Variants in SLC26A4 observed in about 807,000 individuals in gnomAD.
SLC26A4 encodes the protein pendrin.
SLC26A4 carries 93 observed loss-of-function variants against 90.4 expected under a neutral mutation model. That is an observed-to-expected ratio of 1.03 (90% CI 0.87 to 1.22). SLC26A4 has a LOEUF of 1.22. Ranked by LOEUF, SLC26A4 falls within the 50% of genes most tolerant of loss-of-function variation. The pLI is 0.00. For synonymous variants in SLC26A4, 393 were observed against 354.6 expected, an observed-to-expected ratio of 1.11 and a Z score of -1.22; for missense variants, 1,127 against 946.2, an observed-to-expected ratio of 1.19 and a Z score of -2.51.
Position 107,696,029 on chromosome 7 carries a change from AG to A in SLC26A4, c.1535del (p.Arg512LysfsTer34). On this transcript the variant is annotated frameshift_variant, in exon 13 of 21. Coordinates refer to ENST00000644269, the MANE Select transcript of SLC26A4 (RefSeq NM_000441.2). LOFTEE classifies it high-confidence loss of function. Reference sequence around the variant, plus strand: ...ATTTGGACTGTTGACTGTGGTCCTGAGAGTTCAGTTGTGAGTAACGTAAAAC... The same window carrying A: ...ATTTGGACTGTTGACTGTGGTCCTGAAGTTCAGTTGTGAGTAACGTAAAAC... ...LIFGLLTVVL[R>X]VQFPSWNGLG... The A allele has an allele frequency of 6.3e-7, 1 of 1,590,962 alleles. No homozygotes were observed.
Position 107,689,082 on chromosome 7 carries a change from G to A in SLC26A4, c.1031G>A (p.Ser344Asn), listed in dbSNP as rs763520093. 1.5e-5 allele frequency: 24 copies of A among 1,613,858 alleles called. No individual in the cohort carries two copies. Among genetic ancestry groups the A allele is most frequent in the Admixed American group, 1.2e-4 (7 of 59,992 alleles). ...TTGCCTCCTGAACTTCCACCTGTGA[G>A]CTTGTTCTCGGAGATGCTGGCTGCA... ...GFLPPELPPV[S>N]LFSEMLAASF... is the part of the protein sequence containing the mutation. The change falls in exon 9 of 21, where the codon AGC becomes AAC. Residue 344 changes from serine (S) to asparagine (N), a missense_variant. Coordinates refer to ENST00000644269, the MANE Select transcript of SLC26A4 (RefSeq NM_000441.2).
intron 17 of SLC26A4, 112 bp from the exon 18 acceptor site, chr7:107,704,219 C>T (rs1017875829): frequency 1.5e-5 from 10 of 669,414 alleles, no homozygotes; most frequent in South Asian, 6.6e-5. Context: ...TCCTTAAAGT[C>T]CTGATTAACC....
rs1215796094 is a variant in SLC26A4, at chr7:107,661,841, A to C, written c.164+36A>C. The C allele has an allele frequency of 2.0e-6, 3 of 1,523,866 alleles. No homozygotes were observed. The African/African-American group carries it at 4.1e-5, about 21-fold the overall frequency. 94.4% of individuals were successfully genotyped at this position (1,523,866 alleles called of 1,614,324 possible). A position where few individuals can be genotyped will look rare whatever the true frequency, so the allele number is the denominator to read the frequency against. On this transcript the variant is annotated intron_variant, in intron 2 of 20. Coordinates refer to ENST00000644269, the MANE Select transcript of SLC26A4 (RefSeq NM_000441.2). The surrounding 1 kb of genome is among the most constrained non-coding windows in gnomAD (Gnocchi z 5.1). ...CGCGGGCCTGCGTAGAGAGAAGCGGAGCGGGGCGTCCACGCCTTGGGGAGG... is the reference window on the plus strand; with the variant it reads ...CGCGGGCCTGCGTAGAGAGAAGCGGCGCGGGGCGTCCACGCCTTGGGGAGG...
chr7:107,666,361 A>T (rs1307333224), intron 3 of SLC26A4, among the ~76,000 whole-genome samples: 2 of 152,120 alleles, frequency 1.3e-5, no homozygotes, highest in African/African-American at 4.8e-5. Context: ...AGCTGGAACT[A>T]CAGGCATGTG....
At chr7:107,692,187 T>A (rs894080851) in intron 10 of SLC26A4, 13 of 769,624 alleles carry the variant, frequency 1.7e-5, no homozygotes, top group African/African-American at 9.5e-5. Flanking sequence ...TATTTAGGAA[T>A]GAAGGATGCC....
chr7:107,693,602 C>T, intron 10 of SLC26A4: 1 of 985,532 alleles, frequency 1.0e-6, no homozygotes, highest in Non-Finnish European at 1.2e-6. Context: ...ACAGAGAATT[C>T]ATTGGTCATC....
intron 4 of SLC26A4, among the ~76,000 whole-genome samples, chr7:107,673,109 G>A (rs1442549543): frequency 6.6e-6 from 1 of 152,136 alleles, no homozygotes. Flanking sequence ...TGCTTGACTA[G>A]ATGAGGAACA....
chr7:107,663,874 G>A (rs562836157), intron 3 of SLC26A4, among the ~76,000 whole-genome samples: 2 of 152,074 alleles, frequency 1.3e-5, no homozygotes, highest in East Asian at 1.9e-4. Context: ...TAGTAGAGAC[G>A]GGGTTTCACC....
rs554385773 is a variant in SLC26A4 at position 107,671,905 on chromosome 7, G to A, written c.305-233G>A. ...CTACAGTTGGGCAAAATAATCTAAC[G>A]CAAGCCTATTTTATAATAAAGTATT... On this transcript the variant is annotated intron_variant, in intron 3 of 20. Transcript: ENST00000644269. Among the ~76,000 whole-genome samples the A allele has an allele frequency of 1.3e-4, 20 of 152,268 alleles. No homozygotes were observed. In the East Asian group the frequency reaches 1.3e-3, roughly 10 times the overall value.
rs554250694 is a variant in SLC26A4, at chr7:107,688,438, T to G, written c.1002-615T>G. Among the ~76,000 whole-genome samples the G allele has an allele frequency of 8.5e-5, 13 of 152,324 alleles. No homozygotes were observed. The South Asian group carries it at 2.7e-3, about 32-fold the overall frequency. On this transcript the variant is annotated intron_variant, in intron 8 of 20. Transcript: ENST00000644269. ...TAGGTTAATTTTTTTATATGGTTTGTAGGGTAGCTCTGGTTTTGTCAAACA... is the reference window on the plus strand; with the variant it reads ...TAGGTTAATTTTTTTATATGGTTTGGAGGGTAGCTCTGGTTTTGTCAAACA...
intron 17 of SLC26A4, among the ~76,000 whole-genome samples, chr7:107,704,056 G>A (rs1791971599): frequency 6.6e-6 from 1 of 152,126 alleles, no homozygotes; most frequent in African/African-American, 2.4e-5. Context: ...GAAGCCTCCT[G>A]TACTCTCTTC....
At position 107,679,857 on chromosome 7, in the gene SLC26A4, A is replaced by ATATAATATAATCTTATAT. The variant is rs1562826723; in HGVS notation, c.766-3342_766-3341insAATATAATCTTATATTAT. ...TATTATTATATAATCTTATATTATT[A>ATATAATATAATCTTATAT]TATTATATAATCTTATATTATATAA... On this transcript the variant is annotated intron_variant, in intron 6 of 20. Coordinates refer to ENST00000644269, the MANE Select transcript of SLC26A4 (RefSeq NM_000441.2). 4.7e-3 allele frequency among the ~76,000 whole-genome samples: 320 copies of ATATAATATAATCTTATAT among 68,324 alleles called. 10 individuals are homozygous for ATATAATATAATCTTATAT. The highest frequency in any genetic ancestry group is 0.032 in the African/African-American group (279 of 8,838). The allele number at this position is 68,324 out of a possible 152,430, so 44.8% of individuals were successfully genotyped here.
intron 14 of SLC26A4, among the ~76,000 whole-genome samples, chr7:107,698,734 A>G (rs1791810890): frequency 1.3e-5 from 2 of 152,150 alleles, no homozygotes; most frequent in Non-Finnish European, 2.9e-5. Flanking sequence ...CTTCTGTAAG[A>G]TTTTCTTTAT....
intron 6 of SLC26A4, among the ~76,000 whole-genome samples, chr7:107,675,683 C>T (rs1247516517): frequency 2.6e-5 from 4 of 151,238 alleles, no homozygotes; most frequent in Admixed American, 2.6e-4. Context: ...AAGCGATTCT[C>T]CTGCCTCAGC....
chr7:107,686,201 C>T (rs1272744324), intron 8 of SLC26A4, among the ~76,000 whole-genome samples: 1 of 151,898 alleles, frequency 6.6e-6, no homozygotes, highest in African/African-American at 2.4e-5. Context: ...CTGTCTTCGT[C>T]AGTTCCAGAG....
intron 12 of SLC26A4, 116 bp from the exon 13 acceptor site, chr7:107,695,817 G>GA (rs367623525): frequency 0.032 from 17,050 of 533,078 alleles, no homozygotes; most frequent in Middle Eastern, 0.044. Context: ...TATCTCAAAA[G>GA]AAAAAAAAAA....
At position 107,701,120 on chromosome 7, in the gene SLC26A4, G is replaced by A; in HGVS notation, c.1727G>A (p.Arg576Lys). Residue 576 changes from arginine (R) to lysine (K), a missense_variant, in exon 16 of 21, where the codon AGA becomes AAA. Physicochemically the swap from Arg to Lys is conservative, Grantham distance 26. Coordinates refer to ENST00000644269, the MANE Select transcript of SLC26A4 (RefSeq NM_000441.2). ...CCAAAGGTTGGATTTGATGCCATTAGAGTATATAATAAGAGGCTGAAAGCG... is the reference window on the plus strand; with the variant it reads ...CCAAAGGTTGGATTTGATGCCATTAAAGTATATAATAAGAGGCTGAAAGCG... The part of the protein sequence containing the change: ...IKSTVGFDAI[R>K]VYNKRLKALR... 6.2e-6 allele frequency: 10 copies of A among 1,606,814 alleles called. No homozygotes were observed. Among genetic ancestry groups the A allele is most frequent in the Non-Finnish European group, 7.7e-6 (9 of 1,173,424 alleles).
At chr7:107,671,268 T>C (rs1448531142) in intron 3 of SLC26A4, among the ~76,000 whole-genome samples, 1 of 152,158 alleles carries the variant, frequency 6.6e-6, no homozygotes, top group Non-Finnish European at 1.5e-5. Flanking sequence ...GCTCAAACAA[T>C]CCTCCTGCCT....
rs78333072 is a variant in SLC26A4 at position 107,704,109 on chromosome 7, T to C, written c.2035-222T>C. On this transcript the variant is annotated intron_variant, in intron 17 of 20. Transcript: ENST00000644269. Reference sequence around the variant, plus strand: ...TTAGCACCTCCACGCTATCAAGTGCTGTGCTATTGAGCGCTGGATGTTGCC... The same window carrying C: ...TTAGCACCTCCACGCTATCAAGTGCCGTGCTATTGAGCGCTGGATGTTGCC... 8.6e-3 allele frequency among the ~76,000 whole-genome samples: 1,312 copies of C among 152,336 alleles called. 15 individuals are homozygous for C. Among genetic ancestry groups the C allele is most frequent in the African/African-American group, 0.029 (1,221 of 41,572 alleles).
Sources: gnomAD v4.1 joint callset for allele counts (sites outside exome capture counted in the v4.1 genomes callset) on GRCh38, gnomAD v4.1.1 for gene constraint, Gnocchi (gnomAD v3.1) non-coding constraint, MANE v1.5 for transcripts, NCBI Gene and HGNC (gene_info 2026-07-23, HGNC 2026-07-21) for gene names.